Variants in NR3C2 observed in about 807,000 individuals in gnomAD.
The protein encoded by NR3C2 is mineralocorticoid receptor.
A neutral mutation model predicts 86.4 loss-of-function variants in NR3C2; 15 were observed. The ratio of observed to expected loss-of-function variants is 0.17; its 90% CI spans 0.12 to 0.27. The LOEUF (loss-of-function observed/expected upper bound fraction) is 0.27, where lower values mean the gene tolerates loss of function less well. NR3C2 is among the 10% of genes least tolerant of loss of function. The probability of loss-of-function intolerance (pLI) is 1.00; values close to 1 mark genes in which losing one functional copy is unlikely to be tolerated. For synonymous variants in NR3C2, 458 were observed against 450.5 expected, an observed-to-expected ratio of 1.02 and a Z score of -0.21; for missense variants, 960 against 1,195.6, an observed-to-expected ratio of 0.80 and a Z score of 2.91.
chr4:148,192,294 G>A (rs1432531527), intron 4 of NR3C2, among the ~76,000 whole-genome samples: 3 of 152,188 alleles, frequency 2.0e-5, no homozygotes, highest in Non-Finnish European at 4.4e-5. Flanking sequence ...CTCCGGGCTG[G>A]CATTGGGGGT....
At chr4:148,292,940 A>G (rs1741865844) in intron 2 of NR3C2, among the ~76,000 whole-genome samples, 1 of 152,164 alleles carries the variant, frequency 6.6e-6, no homozygotes, top group South Asian at 2.1e-4. Context: ...CACCAAGGCT[A>G]GCACAGGGAA....
intron 4 of NR3C2, among the ~76,000 whole-genome samples, chr4:148,179,927 C>A (rs1735566198): frequency 1.3e-5 from 2 of 151,544 alleles, no homozygotes; most frequent in African/African-American, 4.8e-5. Context: ...TATTCTTTCC[C>A]AACTTTACTG....
intron 3 of NR3C2, among the ~76,000 whole-genome samples, chr4:148,234,863 T>C (rs1738667157): frequency 6.6e-6 from 1 of 152,158 alleles, no homozygotes; most frequent in Non-Finnish European, 1.5e-5. Context: ...GCAGGTTTGC[T>C]ATACAGGTAA....
intron 2 of NR3C2, among the ~76,000 whole-genome samples, chr4:148,333,208 T>C (rs935914072): frequency 6.6e-6 from 1 of 152,042 alleles, no homozygotes; most frequent in African/African-American, 2.4e-5. Context: ...GAGATGGAAG[T>C]TGCAGTGAGC....
At chr4:148,309,999 A>AG (rs1742828897) in intron 2 of NR3C2, among the ~76,000 whole-genome samples, 1 of 152,214 alleles carries the variant, frequency 6.6e-6, no homozygotes, top group African/African-American at 2.4e-5. Context: ...GGAAATAATG[A>AG]GAAAAAAATC....
At chr4:148,437,352 T>A (rs2070949) in intron 1 of NR3C2, among the ~76,000 whole-genome samples, 93,493 of 152,116 alleles carry the variant, frequency 0.61, 29,577 homozygotes, top group East Asian at 0.83. Context: ...CATATTTAAT[T>A]CATGGCCTTG....
intron 2 of NR3C2, among the ~76,000 whole-genome samples, chr4:148,300,500 T>C (rs938200326): frequency 1.3e-5 from 2 of 152,198 alleles, no homozygotes; most frequent in Non-Finnish European, 2.9e-5. Flanking sequence ...AAGGCCTTTA[T>C]GTTTTTCTCT....
chr4:148,303,409 C>T (rs919356910), intron 2 of NR3C2, among the ~76,000 whole-genome samples: 3 of 152,066 alleles, frequency 2.0e-5, no homozygotes, highest in Non-Finnish European at 4.4e-5. Flanking sequence ...TGCCTATCAT[C>T]CAGAGGTTTC....
chr4:148,340,781 C>A (rs1459098103), intron 2 of NR3C2, among the ~76,000 whole-genome samples: 1 of 151,880 alleles, frequency 6.6e-6, no homozygotes. Context: ...ATTTAAAAAA[C>A]CAAATAATCC....
chr4:148,266,332 A>G (rs570021489), intron 2 of NR3C2, among the ~76,000 whole-genome samples: 5 of 151,998 alleles, frequency 3.3e-5, no homozygotes, highest in Admixed American at 6.6e-5. Context: ...CGGCCTCCCA[A>G]CGTGTTGGGA....
At chr4:148,161,171 A>G (rs994984440) in intron 4 of NR3C2, among the ~76,000 whole-genome samples, 1 of 151,500 alleles carries the variant, frequency 6.6e-6, no homozygotes, top group Admixed American at 6.6e-5. Context: ...AGTGGTTAAG[A>G]AAGTTGAATA....
chr4:148,330,058 G>T (rs897946284), intron 2 of NR3C2, among the ~76,000 whole-genome samples: 1 of 152,156 alleles, frequency 6.6e-6, no homozygotes. Context: ...CTTAAAAAAT[G>T]AATGAGTTGA....
At chr4:148,316,362 A>G (rs1180879611) in intron 2 of NR3C2, among the ~76,000 whole-genome samples, 1 of 152,164 alleles carries the variant, frequency 6.6e-6, no homozygotes, top group Admixed American at 6.5e-5. Context: ...TATGCGGAAC[A>G]TGTATTATAT....
At chr4:148,153,489 T>C (rs1734201197) in intron 5 of NR3C2, among the ~76,000 whole-genome samples, 2 of 152,270 alleles carry the variant, frequency 1.3e-5, no homozygotes, top group East Asian at 3.9e-4. Flanking sequence ...CTTTTGTTTT[T>C]TATCACCTCC....
At chr4:148,438,697 T>A (rs1750191829) in intron 1 of NR3C2, among the ~76,000 whole-genome samples, 1 of 152,168 alleles carries the variant, frequency 6.6e-6, no homozygotes, top group South Asian at 2.1e-4. Context: ...ATTAGATAAA[T>A]CTTAGCTGGA....
Position 148,086,020 on chromosome 4 carries a change from C to T in NR3C2, c.2800-4521G>A, listed in dbSNP as rs1234776648. The stretch of plus-strand genomic sequence containing the variant: ...CAACCAAAAAAAGTCCAGGACTGGA[C>T]GGATTCACAGCCAGATTTTACCAGA... On this transcript the variant is annotated intron_variant, in intron 8 of 8. Transcript: ENST00000358102. Among the ~76,000 whole-genome samples, 11 of 152,116 alleles carry T rather than the reference C, an allele frequency of 7.2e-5. No individual in the cohort carries two copies. The South Asian group carries it at 8.3e-4, about 11-fold the overall frequency.
chr4:148,143,912 A>T (rs1449629492), intron 6 of NR3C2, among the ~76,000 whole-genome samples: 5 of 136,680 alleles, frequency 3.7e-5, no homozygotes, highest in African/African-American at 1.4e-4. Context: ...GCACCATTGC[A>T]CTCCAGCCTG....
At chr4:148,332,872 T>A (rs1744298432) in intron 2 of NR3C2, among the ~76,000 whole-genome samples, 1 of 152,216 alleles carries the variant, frequency 6.6e-6, no homozygotes, top group African/African-American at 2.4e-5. Flanking sequence ...TATGTGTATG[T>A]GTTTCGACAT....
intron 4 of NR3C2, among the ~76,000 whole-genome samples, chr4:148,158,337 C>T (rs1192526780): frequency 6.6e-6 from 1 of 152,188 alleles, no homozygotes; most frequent in East Asian, 1.9e-4. Context: ...TACTCAATAG[C>T]ATTAATTTGT....
Sources: allele counts gnomAD v4.1 joint callset (sites outside exome capture counted in the v4.1 genomes callset), GRCh38; gene constraint gnomAD v4.1.1; transcripts MANE v1.5; gene names NCBI Gene and HGNC (gene_info 2026-07-23, HGNC 2026-07-21).